The following ELAPOR2 variants were observed in gnomAD, a reference collection of about 807,000 sequenced individuals.
ELAPOR2 encodes endosome/lysosome-associated apoptosis and autophagy regulator family member 2.
In ELAPOR2, 89 loss-of-function variants were observed where a neutral mutation model predicts 120.7. The observed-to-expected ratio is 0.74, with a 90% CI of 0.62 to 0.88. ELAPOR2 has a LOEUF of 0.88. Ranked by LOEUF, ELAPOR2 falls within the 40% of genes least tolerant of loss-of-function variation. The pLI is 0.00. For synonymous variants in ELAPOR2, 444 were observed against 444.9 expected (o/e 1.00, Z 0.03); for missense variants, 1,134 against 1,251.6 (o/e 0.91, Z 1.42).
At chr7:86,960,177 T>C (rs966357931) in intron 2 of ELAPOR2, among the ~76,000 whole-genome samples, 3 of 152,234 alleles carry the variant, frequency 2.0e-5, no homozygotes, top group Middle Eastern at 3.2e-3. Context: ...TGCATTCTGC[T>C]AGTTTTGGGT....
At chr7:87,026,411 A>G (rs1236300888) in intron 1 of ELAPOR2, among the ~76,000 whole-genome samples, 1 of 151,996 alleles carries the variant, frequency 6.6e-6, no homozygotes, top group African/African-American at 2.4e-5. Context: ...AAACAACATG[A>G]AATTTTTAAG....
intron 9 of ELAPOR2, 49 bp downstream of exon 9, chr7:86,926,687 C>T: frequency 6.6e-7 from 1 of 1,508,678 alleles, no homozygotes; most frequent in Non-Finnish European, 9.0e-7. Context: ...AGTAGTCCAA[C>T]AAGATCATTT....
Position 86,879,501 on chromosome 7 carries a change from T to C in ELAPOR2, c.*970A>G, listed in dbSNP as rs1345386815. On this transcript the variant is annotated 3_prime_UTR_variant, in exon 22 of 22. Transcript: ENST00000450689. ...GTCTTGCAGCAGAAAAATAACCATA[T>C]AACCTCTGGTGCTTGACAAAGAACA... 1 of 152,172 alleles carries C rather than the reference T, an allele frequency of 6.6e-6. No homozygotes were observed. The highest frequency in any genetic ancestry group is 2.4e-5 in the African/African-American group (1 of 41,460). The allele number at this position is 152,172 out of a possible 1,614,324, so 9.4% of individuals were successfully genotyped here. A position where few individuals can be genotyped will look rare whatever the true frequency, so the allele number is the denominator to read the frequency against.
At chr7:86,992,005 A>C (rs1349762827) in intron 1 of ELAPOR2, among the ~76,000 whole-genome samples, 1 of 152,242 alleles carries the variant, frequency 6.6e-6, no homozygotes, top group African/African-American at 2.4e-5. Context: ...TCTGTCACTA[A>C]GGAAAATGGG....
At chr7:87,008,365 T>A (rs1301556416) in intron 1 of ELAPOR2, among the ~76,000 whole-genome samples, 2 of 152,066 alleles carry the variant, frequency 1.3e-5, no homozygotes, top group African/African-American at 2.4e-5. Context: ...GATAAAGAAA[T>A]GCAATGTGAG....
At chr7:86,996,486 A>G (rs867436436) in intron 1 of ELAPOR2, among the ~76,000 whole-genome samples, 2 of 152,346 alleles carry the variant, frequency 1.3e-5, no homozygotes, top group South Asian at 4.1e-4. Context: ...GGGGAACAAG[A>G]AGAGTATCAT....
chr7:86,911,822 C>T (rs1789324404), intron 15 of ELAPOR2: 2 of 575,644 alleles, frequency 3.5e-6, no homozygotes, highest in Non-Finnish European at 6.3e-6. Flanking sequence ...AGCACTTACA[C>T]CATAGCTCCA....
intron 19 of ELAPOR2, among the ~76,000 whole-genome samples, chr7:86,895,566 T>G (rs1172413935): frequency 6.6e-6 from 1 of 152,098 alleles, no homozygotes; most frequent in East Asian, 1.9e-4. Flanking sequence ...AAAAGTATCA[T>G]TTTAAAGGCA....
At chr7:86,997,004 T>A (rs544603933) in intron 1 of ELAPOR2, among the ~76,000 whole-genome samples, 2 of 152,234 alleles carry the variant, frequency 1.3e-5, no homozygotes, top group Non-Finnish European at 2.9e-5. Flanking sequence ...CTGTAGGCAG[T>A]GTTTACTTTT....
At chr7:86,999,426 T>C (rs1430352836) in intron 1 of ELAPOR2, among the ~76,000 whole-genome samples, 4 of 152,174 alleles carry the variant, frequency 2.6e-5, no homozygotes, top group Non-Finnish European at 4.4e-5. Context: ...CTAGGGTAAC[T>C]CTTAACTAAT....
At chr7:86,891,261 A>G (rs1340456868) in intron 21 of ELAPOR2, 1 of 152,190 alleles carries the variant, frequency 6.6e-6, no homozygotes, top group East Asian at 1.9e-4. Flanking sequence ...GAAAATTCCA[A>G]TATCACAAAA....
intron 1 of ELAPOR2, among the ~76,000 whole-genome samples, chr7:87,012,933 T>TA (rs927880404): frequency 2.6e-5 from 4 of 152,004 alleles, no homozygotes; most frequent in African/African-American, 9.7e-5. Context: ...AAATTGACCA[T>TA]AAAAAATGTT....
rs1052067771 is a variant in ELAPOR2 at position 86,880,257 on chromosome 7, G to A, written c.*214C>T. The A allele has an allele frequency of 1.9e-5, 11 of 575,346 alleles. No homozygotes were observed. Among genetic ancestry groups the A allele is most frequent in the African/African-American group, 1.7e-4 (9 of 53,062 alleles). 35.6% of individuals were successfully genotyped at this position (575,346 alleles called of 1,614,324 possible). On this transcript the variant is annotated 3_prime_UTR_variant, in exon 22 of 22. Transcript: ENST00000450689. ...CCTGAGTTGAGCTTCATCTTCAGTT[G>A]AGACCCAAATCATTTGCTTTCCTTT...
rs149735861 is a variant in ELAPOR2, at chr7:86,989,091, C to T, written c.190-24067G>A. Among the ~76,000 whole-genome samples, 23 of 152,210 alleles carry T rather than the reference C, an allele frequency of 1.5e-4. No individual in the cohort carries two copies. The East Asian group carries it at 4.0e-3, about 27-fold the overall frequency. ...TCATAAATAATAAAATATTCTCATG[C>T]TATTAAAATAAAACAAACACATGAA... is the stretch of plus-strand genomic sequence containing the variant. On this transcript the variant is annotated intron_variant, in intron 1 of 21. Coordinates refer to ENST00000450689, the MANE Select transcript of ELAPOR2 (RefSeq NM_001142749.3).
intron 6 of ELAPOR2, among the ~76,000 whole-genome samples, chr7:86,939,722 T>A (rs1584374511): frequency 6.6e-6 from 1 of 152,164 alleles, no homozygotes; most frequent in East Asian, 1.9e-4. Context: ...AATAATGGGG[T>A]CTTATTAACA....
chr7:86,905,109 AGG>A (rs1450518534), intron 18 of ELAPOR2, among the ~76,000 whole-genome samples: 2 of 149,648 alleles, frequency 1.3e-5, no homozygotes, highest in African/African-American at 4.9e-5. Context: ...GAAGGAAGGA[AGG>A]AAGGAAGGAA....
intron 1 of ELAPOR2, among the ~76,000 whole-genome samples, chr7:87,024,643 C>G (rs1227574418): frequency 2.0e-5 from 3 of 152,078 alleles, no homozygotes; most frequent in Non-Finnish European, 2.9e-5. Context: ...GGAATAGTAC[C>G]AGCTCCTCCT....
rs11418158 is a variant in ELAPOR2 at position 86,898,559 on chromosome 7, CAA to C, written c.2559-929_2559-928del. On this transcript the variant is annotated intron_variant, in intron 18 of 21. Transcript: ENST00000450689. ...TAATTTAAGAGAGAGACACAATGAC[CAA>C]AAAAAAAAAAAAAAAAAAAGGCTCT... 7.5e-5 allele frequency among the ~76,000 whole-genome samples: 5 copies of C among 66,594 alleles called. No homozygotes were observed. The East Asian group carries it at 2.0e-3, about 27-fold the overall frequency. 43.7% of individuals were successfully genotyped at this position (66,594 alleles called of 152,430 possible). A position where few individuals can be genotyped will look rare whatever the true frequency, so the allele number is the denominator to read the frequency against.
At chr7:86,910,718 G>A (rs1305013478) in intron 15 of ELAPOR2, among the ~76,000 whole-genome samples, 2 of 152,036 alleles carry the variant, frequency 1.3e-5, no homozygotes, top group Admixed American at 1.3e-4. Context: ...TACTGCAAAA[G>A]ACTATAGCTT....
Sources: allele counts gnomAD v4.1 joint callset (sites outside exome capture counted in the v4.1 genomes callset), GRCh38; gene constraint gnomAD v4.1.1; transcripts MANE v1.5; gene names NCBI Gene and HGNC (gene_info 2026-07-23, HGNC 2026-07-21).